The following BCOR variants were observed in gnomAD, a reference collection of about 807,000 sequenced individuals.
BCOR encodes the protein BCL-6 corepressor.
A neutral mutation model predicts 86.7 loss-of-function variants in BCOR; 10 were observed. The ratio of observed to expected loss-of-function variants is 0.12; its 90% CI spans 0.07 to 0.20. The LOEUF is 0.20. Ranked by LOEUF, BCOR falls within the 10% of genes least tolerant of loss-of-function variation. The pLI is 1.00. For synonymous variants in BCOR, 611 were observed against 609.0 expected (o/e 1.00, Z -0.05); for missense variants, 1,259 against 1,452.1 (o/e 0.87, Z 2.16).
intron 1 of BCOR, among the ~76,000 whole-genome samples, chrX:40,158,291 G>A (rs1938339398): frequency 8.9e-6 from 1 of 112,366 alleles, no homozygotes; most frequent in Non-Finnish European, 1.9e-5. Flanking sequence ...CGGGGCTGTC[G>A]CCGCTTCTCC....
At chrX:40,101,417 G>A (rs1937071840), upstream of BCOR, among the ~76,000 whole-genome samples, 1 of 112,981 alleles carries the variant, frequency 8.9e-6, no homozygotes. Flanking sequence ...AGCCCACGGA[G>A]AAATAAAGAA....
chrX:40,126,522 CA>C (rs111701164), intron 1 of BCOR, among the ~76,000 whole-genome samples: 30,297 of 71,347 alleles, frequency 0.42, 5,271 homozygotes, highest in African/African-American at 0.68. Context: ...AAAATTCCGT[CA>C]AAAAAAAAAA....
chrX:40,173,654 T>C (rs1001992442), intron 1 of BCOR, among the ~76,000 whole-genome samples: 12 of 112,418 alleles, frequency 1.1e-4, no homozygotes, highest in Admixed American at 7.5e-4. Flanking sequence ...ATGGTGCTCA[T>C]TTAGACTGGA....
chrX:40,176,876 T>A (rs995121553), intron 1 of BCOR: 1 of 111,299 alleles, frequency 9.0e-6, no homozygotes, highest in East Asian at 2.9e-4. Flanking sequence ...CTGAGCTGCC[T>A]GTTCCGGGGC....
intron 1 of BCOR, among the ~76,000 whole-genome samples, chrX:40,123,777 G>A (rs1937515331): frequency 9.3e-6 from 1 of 107,239 alleles, no homozygotes; most frequent in Non-Finnish European, 1.9e-5. Flanking sequence ...TGGGCTAGGG[G>A]AAGAGAAGGT....
chrX:40,062,101 C>A, intron 10 of BCOR, 38 bp downstream of exon 10: 1 of 1,179,918 alleles, frequency 8.5e-7, no homozygotes, highest in Non-Finnish European at 1.1e-6. Flanking sequence ...GCCCCGCCCC[C>A]CAGCCTGCAG....
At chrX:40,143,860 C>T (rs1354719827) in intron 1 of BCOR, among the ~76,000 whole-genome samples, 1 of 112,239 alleles carries the variant, frequency 8.9e-6, no homozygotes, top group African/African-American at 3.2e-5. Context: ...GGGAGGCTGA[C>T]ACAGGAGAAT....
At chrX:40,107,001 G>A (rs756962918) in intron 1 of BCOR, among the ~76,000 whole-genome samples, 1 of 111,551 alleles carries the variant, frequency 9.0e-6, no homozygotes, top group South Asian at 3.8e-4. Flanking sequence ...TGTGAGCCCC[G>A]AGGTTTTGGC....
In BCOR at chrX:40,169,663, C is replaced by G. The variant is rs187381153; in HGVS notation, c.-41+7344G>C. Among the ~76,000 whole-genome samples the G allele has an allele frequency of 1.5e-3, 170 of 111,503 alleles. 1 individual carries two copies. The highest frequency in any genetic ancestry group is 2.5e-3 in the Non-Finnish European group (131 of 52,999). On this transcript the variant is annotated intron_variant, in intron 1 of 14. Coordinates refer to the BCOR transcript ENST00000342274. ...GAAATAATCTATAGGACAATCCCCCCCCTACTGGTCGGAGCTGGCGTTGGG... is the reference window on the plus strand; with the variant it reads ...GAAATAATCTATAGGACAATCCCCCGCCTACTGGTCGGAGCTGGCGTTGGG...
At chrX:40,057,712 G>A (rs1934668842) in intron 10 of BCOR, among the ~76,000 whole-genome samples, 1 of 112,339 alleles carries the variant, frequency 8.9e-6, no homozygotes, top group Non-Finnish European at 1.9e-5. Context: ...TTCAAACAAC[G>A]CATGAATAAG....
intron 10 of BCOR, among the ~76,000 whole-genome samples, chrX:40,060,406 G>A (rs2146967281): frequency 8.9e-6 from 1 of 112,482 alleles, no homozygotes; most frequent in South Asian, 3.6e-4. Flanking sequence ...GTGTTCCTTA[G>A]TCCAGGCCTG....
At chrX:40,055,663 G>A in intron 11 of BCOR, 150 bp from the exon 12 acceptor site, 1 of 615,397 alleles carries the variant, frequency 1.6e-6, no homozygotes, top group Non-Finnish European at 2.6e-6. Flanking sequence ...CAGGAGGTGT[G>A]CACAGTCACC....
intron 1 of BCOR, among the ~76,000 whole-genome samples, chrX:40,139,499 T>A (rs537502089): frequency 0.018 from 419 of 23,137 alleles, 48 homozygotes; most frequent in South Asian, 0.033. Context: ...ATATATATAT[T>A]TTTTTTTTTT....
Position 40,127,005 on chromosome X carries a change from A to G in BCOR, c.-40-49036T>C, listed in dbSNP as rs146473114. Among the ~76,000 whole-genome samples, 31 of 111,869 alleles carry G rather than the reference A, an allele frequency of 2.8e-4. No individual in the cohort carries two copies. In the East Asian group the frequency reaches 8.4e-3, roughly 30 times the overall value. On this transcript the variant is annotated intron_variant, in intron 1 of 14. Coordinates refer to the BCOR transcript ENST00000342274. ...TTGTTCTTGGACTTGCAGCCTCCAG[A>G]ACAGTAAGACAATATATTTCAGTTG...
In BCOR at chrX:40,075,110, C is replaced by G; in HGVS notation, c.236G>C (p.Arg79Pro). 2 of 1,209,664 alleles carry G rather than the reference C, an allele frequency of 1.7e-6. No individual in the cohort carries two copies. Among genetic ancestry groups the G allele is most frequent in the South Asian group, 3.5e-5 (2 of 56,742 alleles). ...ALSMDRTGLI[R>P]EGLRVPGNIV... Reference sequence around the variant, plus strand: ...GTTTCCCGGGACCCGCAGCCCTTCCCGGATCAGGCCAGTGCGGTCCATGCT... The same window carrying G: ...GTTTCCCGGGACCCGCAGCCCTTCCGGGATCAGGCCAGTGCGGTCCATGCT... Residue 79 changes from arginine to proline, a missense_variant, in exon 4 of 15, where the codon CGG becomes CCG. This residue lies in a region of BCOR where 174 missense variants were observed against 189.3 expected (regional missense o/e 0.92). Coordinates refer to ENST00000378444, the MANE Select transcript of BCOR (RefSeq NM_001123385.2).
chrX:40,125,477 A>G (rs1937528249), intron 1 of BCOR, among the ~76,000 whole-genome samples: 1 of 111,471 alleles, frequency 9.0e-6, no homozygotes, highest in African/African-American at 3.3e-5. Flanking sequence ...CAAGTGATCC[A>G]TCTGCCTCGA....
chrX:40,123,108 A>G (rs1341377443), intron 1 of BCOR, among the ~76,000 whole-genome samples: 1 of 111,448 alleles, frequency 9.0e-6, no homozygotes, highest in Non-Finnish European at 1.9e-5. Flanking sequence ...ATGGCAACTT[A>G]AAAACAGGCA....
chrX:40,109,338 T>G (rs1201906260), intron 1 of BCOR, among the ~76,000 whole-genome samples: 1 of 110,597 alleles, frequency 9.0e-6, no homozygotes, highest in Admixed American at 9.4e-5. Context: ...GAGATCCACT[T>G]GTCAGGTCAA....
At position 40,073,540 on chromosome X, in the gene BCOR, C is replaced by A. The variant is rs1473796923; in HGVS notation, c.1806G>T (p.Pro602=). Residue 602 remains proline (P), a synonymous_variant, in exon 4 of 15, where the codon CCG becomes CCT. Transcript: ENST00000378444. ...PSVIQHVGQP[P]ATPAKHSSST... ...TGCTACTGTGCTTGGCAGGAGTGGC[C>A]GGGGGCTGGCCCACGTGCTGAATAA... is the stretch of plus-strand genomic sequence containing the variant. 2.5e-6 allele frequency: 3 copies of A among 1,211,009 alleles called. No homozygotes were observed. In the African/African-American group the frequency reaches 5.2e-5, roughly 21 times the overall value.
Sources: gnomAD v4.1 joint callset for allele counts (sites outside exome capture counted in the v4.1 genomes callset) on GRCh38, gnomAD v4.1.1 for gene constraint, gnomAD v4.1.1 regional missense constraint, MANE v1.5 for transcripts, NCBI Gene and HGNC (gene_info 2026-07-23, HGNC 2026-07-21) for gene names.